The following CMTM4 variants were observed in gnomAD, a reference collection of about 807,000 sequenced individuals.
CMTM4 encodes the protein CKLF like MARVEL transmembrane domain containing 4.
In CMTM4, 8 loss-of-function variants were observed where a neutral mutation model predicts 19.0. That is an observed-to-expected ratio of 0.42 (90% CI 0.25 to 0.76). The LOEUF (loss-of-function observed/expected upper bound fraction) is 0.76, where lower values mean the gene tolerates loss of function less well. Ranked by LOEUF, CMTM4 falls within the 30% of genes least tolerant of loss-of-function variation. The pLI, the probability that CMTM4 is intolerant of heterozygous loss-of-function variation, is 0.27. For missense variants in CMTM4, 228 were observed against 290.2 expected (o/e 0.79, Z 1.56); for synonymous variants, 106 against 121.1 (o/e 0.88, Z 0.82).
chr16:66,677,489 G>A lies in CMTM4; in HGVS notation c.186+18851C>T, dbSNP rs59377890. Among the ~76,000 whole-genome samples the A allele has an allele frequency of 5.8e-3, 889 of 152,334 alleles. 10 individuals are homozygous for A. Among genetic ancestry groups the A allele is most frequent in the African/African-American group, 0.021 (858 of 41,576 alleles). ...ATTTACGTGGAGAGAATCTGAATGG[G>A]AAAGTGACTGGACCAGAACCTGGCT... is the stretch of plus-strand genomic sequence containing the variant. On this transcript the variant is annotated intron_variant, in intron 1 of 3. Coordinates refer to ENST00000394106, the MANE Select transcript of CMTM4 (RefSeq NM_181521.3).
intron 2 of CMTM4, among the ~76,000 whole-genome samples, chr16:66,632,882 A>G (rs557391461): frequency 1.3e-5 from 2 of 152,068 alleles, no homozygotes; most frequent in Admixed American, 6.5e-5. Context: ...TGGGAGTCCA[A>G]GACCAGTCTG....
At chr16:66,633,117 AAAT>A (rs2015913100) in intron 2 of CMTM4, among the ~76,000 whole-genome samples, 3 of 77,238 alleles carry the variant, frequency 3.9e-5, no homozygotes, top group African/African-American at 1.1e-4. Flanking sequence ...ATATATATAT[AAAT>A]ATATATATAT....
chr16:66,691,929 T>C (rs745682724), intron 1 of CMTM4, among the ~76,000 whole-genome samples: 3 of 152,228 alleles, frequency 2.0e-5, no homozygotes, highest in Non-Finnish European at 2.9e-5. Flanking sequence ...TAACATTTAT[T>C]GCACATCAGT....
intron 1 of CMTM4, among the ~76,000 whole-genome samples, chr16:66,668,984 G>C (rs1350354608): frequency 6.6e-6 from 1 of 152,052 alleles, no homozygotes; most frequent in African/African-American, 2.4e-5. Flanking sequence ...TCACTCCTGG[G>C]TATTAACCCC....
At chr16:66,625,451 A>G (rs1029406972) in intron 2 of CMTM4, among the ~76,000 whole-genome samples, 1 of 151,410 alleles carries the variant, frequency 6.6e-6, no homozygotes, top group African/African-American at 2.4e-5. Context: ...AAAAAAAAAG[A>G]AAAAGAAAAA....
At chr16:66,598,593 A>T in the CMTM4 span, among the ~76,000 whole-genome samples, 1 of 152,122 alleles carries the variant, frequency 6.6e-6, no homozygotes, top group Non-Finnish European at 1.5e-5. Context: ...ACCGCAGGCA[A>T]CCACCGATCT....
chr16:66,634,104 T>C (rs1183591355), intron 2 of CMTM4, among the ~76,000 whole-genome samples: 1 of 152,084 alleles, frequency 6.6e-6, no homozygotes, highest in Non-Finnish European at 1.5e-5. Flanking sequence ...AAATCTTTCA[T>C]GATTAAAATA....
At chr16:66,609,326 G>A in the CMTM4 span, 1 of 899,220 alleles carries the variant, frequency 1.1e-6, no homozygotes, top group African/African-American at 1.6e-5. The surrounding 1 kb of genome is among the most constrained non-coding windows in gnomAD (Gnocchi z 4.4). Flanking sequence ...TGGGATAGGA[G>A]CCCTCAGGTG....
chr16:66,662,155 T>C (rs2144861402), intron 1 of CMTM4, among the ~76,000 whole-genome samples: 1 of 152,306 alleles, frequency 6.6e-6, no homozygotes, highest in South Asian at 2.1e-4. Context: ...TTCCAGTTAA[T>C]GAAGTAGGTA....
chr16:66,684,681 T>G (rs1305717710), intron 1 of CMTM4, among the ~76,000 whole-genome samples: 1 of 152,188 alleles, frequency 6.6e-6, no homozygotes, highest in Non-Finnish European at 1.5e-5. Context: ...TTAAACTGTT[T>G]AAAAATAGGA....
At position 66,618,204 on chromosome 16, in the gene CMTM4, T is replaced by A; in HGVS notation, c.*3854A>T. ...CCCTGGAGCAGGAAGCAACTTGTTATTCTGCTCAAGAGAATCCACCAGCAG... is the reference window on the plus strand; with the variant it reads ...CCCTGGAGCAGGAAGCAACTTGTTAATCTGCTCAAGAGAATCCACCAGCAG... On this transcript the variant is annotated 3_prime_UTR_variant, in exon 4 of 4. Coordinates refer to ENST00000394106, the MANE Select transcript of CMTM4 (RefSeq NM_181521.3). The A allele has an allele frequency of 1.0e-6, 1 of 985,482 alleles. No homozygotes were observed. The highest frequency in any genetic ancestry group is 4.7e-5 in the South Asian group (1 of 21,292). 61.0% of individuals were successfully genotyped at this position (985,482 alleles called of 1,614,324 possible).
chr16:66,683,199 A>ATATATATATG (rs2016970334), intron 1 of CMTM4, among the ~76,000 whole-genome samples: 1 of 126,252 alleles, frequency 7.9e-6, no homozygotes, highest in African/African-American at 3.2e-5. Flanking sequence ...ATATACATAT[A>ATATATATATG]TATATATATA....
At chr16:66,692,122 G>C (rs867339320) in intron 1 of CMTM4, among the ~76,000 whole-genome samples, 1 of 151,438 alleles carries the variant, frequency 6.6e-6, no homozygotes. Context: ...ATGGAGTCTT[G>C]CTCTGTCACT....
chr16:66,642,541 CCT>C (rs1440922166), intron 1 of CMTM4, among the ~76,000 whole-genome samples: 12 of 152,184 alleles, frequency 7.9e-5, no homozygotes, highest in Non-Finnish European at 1.3e-4. Context: ...CAGTGAAACC[CCT>C]GTCTCTACTA....
chr16:66,693,850 G>A (rs1347145307), intron 1 of CMTM4, among the ~76,000 whole-genome samples: 2 of 152,000 alleles, frequency 1.3e-5, no homozygotes, highest in Non-Finnish European at 2.9e-5. Flanking sequence ...GTGAAACCCC[G>A]TCTCTACCAA....
intron 1 of CMTM4, among the ~76,000 whole-genome samples, chr16:66,668,032 TCTCA>T (rs1189879568): frequency 2.0e-5 from 3 of 152,082 alleles, no homozygotes; most frequent in Non-Finnish European, 4.4e-5. Context: ...AGAGACAGGG[TCTCA>T]CTGTCACCCA....
chr16:66,686,857 CATG>C (rs138284331), intron 1 of CMTM4, among the ~76,000 whole-genome samples: 8,391 of 152,146 alleles, frequency 0.055, 725 homozygotes, highest in African/African-American at 0.18. Flanking sequence ...AGGCTACACT[CATG>C]AGGACATTTA....
intron 1 of CMTM4, among the ~76,000 whole-genome samples, chr16:66,692,903 T>C (rs2017162231): frequency 7.2e-6 from 1 of 139,098 alleles, no homozygotes. Context: ...CAAGACTCCA[T>C]CTCAAAAAAA....
intron 1 of CMTM4, among the ~76,000 whole-genome samples, chr16:66,656,178 C>T (rs2016394348): frequency 6.6e-6 from 1 of 152,050 alleles, no homozygotes; most frequent in African/African-American, 2.4e-5. Flanking sequence ...AATCCAAACT[C>T]ATGAGTTCAT....
Sources: gnomAD v4.1 joint callset for allele counts (sites outside exome capture counted in the v4.1 genomes callset) on GRCh38, gnomAD v4.1.1 for gene constraint, Gnocchi (gnomAD v3.1) non-coding constraint, MANE v1.5 for transcripts, NCBI Gene and HGNC (gene_info 2026-07-23, HGNC 2026-07-21) for gene names.